The following IFT56 variants were observed in gnomAD, a reference collection of about 807,000 sequenced individuals.
IFT56 encodes intraflagellar transport 56.
chr7:139,180,794 C>T, the IFT56 span, among the ~76,000 whole-genome samples: 2 of 152,104 alleles, frequency 1.3e-5, no homozygotes, highest in South Asian at 2.1e-4. Flanking sequence ...ATTGAAACGA[C>T]GAGTAGGATT....
chr7:139,177,611 A>AGTGTGTGTGTGTGTGTGT, the IFT56 span, among the ~76,000 whole-genome samples: 1 of 148,476 alleles, frequency 6.7e-6, no homozygotes, highest in African/African-American at 2.5e-5. Flanking sequence ...ATATATATAT[A>AGTGTGTGTGTGTGTGTGT]GTGTGTGTGT....
chr7:139,172,267 T>C, the IFT56 span, among the ~76,000 whole-genome samples: 1 of 152,246 alleles, frequency 6.6e-6, no homozygotes, highest in East Asian at 1.9e-4. Flanking sequence ...AGTTGCTTTT[T>C]TCCTGCCATC....
chr7:139,165,362 G>C, the IFT56 span: 2 of 645,564 alleles, frequency 3.1e-6, no homozygotes, highest in African/African-American at 1.9e-5. Flanking sequence ...CAAGTTCATA[G>C]AACAAGTTTA....
chr7:139,179,059 T>C, the IFT56 span, among the ~76,000 whole-genome samples: 1 of 152,236 alleles, frequency 6.6e-6, no homozygotes, highest in African/African-American at 2.4e-5. Context: ...ATTTGATTTC[T>C]AACTTAATTG....
At chr7:139,179,735 A>G in the IFT56 span, 1 of 1,089,698 alleles carries the variant, frequency 9.2e-7, no homozygotes, top group Non-Finnish European at 1.4e-6. Context: ...AAGTTTTCTA[A>G]TTTTATTTTG....
the IFT56 span, chr7:139,172,983 G>T: frequency 1.4e-6 from 1 of 726,262 alleles, no homozygotes; most frequent in Non-Finnish European, 2.6e-6. Context: ...GAGGTGAGGT[G>T]CTGCTGTCAG....
At chr7:139,189,142 G>A in the IFT56 span, among the ~76,000 whole-genome samples, 1 of 152,194 alleles carries the variant, frequency 6.6e-6, no homozygotes. Flanking sequence ...ATTTTACTAT[G>A]CCACAATAAG....
chr7:139,164,055 G>A, the IFT56 span, among the ~76,000 whole-genome samples: 966 of 152,284 alleles, frequency 6.3e-3, 9 homozygotes, highest in African/African-American at 0.022. Flanking sequence ...GCTTTTCTCT[G>A]TAACACTTAT....
chr7:139,189,779 A>G, the IFT56 span: 1 of 160,158 alleles, frequency 6.2e-6, no homozygotes. Context: ...GGCTGCAATA[A>G]CAAACATCTT....
the IFT56 span, chr7:139,189,813 T>C: frequency 6.4e-6 from 1 of 155,368 alleles, no homozygotes; most frequent in African/African-American, 2.4e-5. Flanking sequence ...TCAGCATCAT[T>C]GTATCATTTA....
chr7:139,170,786 T>C, the IFT56 span, among the ~76,000 whole-genome samples: 1 of 152,186 alleles, frequency 6.6e-6, no homozygotes, highest in African/African-American at 2.4e-5. Flanking sequence ...CTCTAAGATC[T>C]GGAACAAGAC....
At chr7:139,133,797 C>T in the IFT56 span, 1 of 1,611,824 alleles carries the variant, frequency 6.2e-7, no homozygotes, top group Non-Finnish European at 8.5e-7. Flanking sequence ...TGTGTGGATG[C>T]GGCGAAACGC....
chr7:139,178,557 CA>C, the IFT56 span: 1 of 1,614,086 alleles, frequency 6.2e-7, no homozygotes, highest in Non-Finnish European at 8.5e-7. Flanking sequence ...TAATTATGCC[CA>C]AGCCAAAGCT....
the IFT56 span, among the ~76,000 whole-genome samples, chr7:139,165,441 TTC>T: frequency 5.6e-4 from 86 of 152,274 alleles, no homozygotes; most frequent in African/African-American, 2.0e-3. Context: ...TTCTCCCTCA[TTC>T]TGTTTTTTCT....
chr7:139,149,188 C>T, the IFT56 span, among the ~76,000 whole-genome samples: 18 of 151,590 alleles, frequency 1.2e-4, no homozygotes, highest in African/African-American at 3.9e-4. Flanking sequence ...GCCTGTAGTC[C>T]CAGCTACTTG....
chr7:139,170,650 A>T, the IFT56 span, among the ~76,000 whole-genome samples: 2 of 152,200 alleles, frequency 1.3e-5, no homozygotes, highest in Non-Finnish European at 2.9e-5. Context: ...TAAATTCAAC[A>T]TCCCTTTATG....
At chr7:139,153,830 T>G in the IFT56 span, among the ~76,000 whole-genome samples, 3 of 152,228 alleles carry the variant, frequency 2.0e-5, no homozygotes, top group Admixed American at 1.3e-4. Context: ...TGTATGTATG[T>G]TTTCAATTCT....
At chr7:139,160,825 A>G in the IFT56 span, 1 of 634,246 alleles carries the variant, frequency 1.6e-6, no homozygotes, top group Non-Finnish European at 2.7e-6. Context: ...ATTGACCTAG[A>G]GTCATGAGGA....
chr7:139,148,319 T>C, the IFT56 span: 1 of 1,614,086 alleles, frequency 6.2e-7, no homozygotes, highest in Non-Finnish European at 8.5e-7. Flanking sequence ...GATAGTACCA[T>C]CGCACTCAAT....
Sources: allele counts gnomAD v4.1 joint callset (sites outside exome capture counted in the v4.1 genomes callset), GRCh38; gene constraint gnomAD v4.1.1; transcripts MANE v1.5; gene names NCBI Gene and HGNC (gene_info 2026-07-23, HGNC 2026-07-21).